The following MOBP variants were observed in gnomAD, a reference collection of about 807,000 sequenced individuals.
MOBP encodes myelin associated oligodendrocyte basic protein.
A neutral mutation model predicts 15.0 loss-of-function variants in MOBP; 5 were observed. The observed-to-expected ratio is 0.33, with a 90% CI of 0.17 to 0.70. The LOEUF is 0.70. Among genes scored for constraint, MOBP ranks in the 30% least tolerant of loss-of-function variants. MOBP has a pLI of 0.67. For missense variants in MOBP, 188 were observed against 257.8 expected (o/e 0.73, Z 1.85); for synonymous variants, 88 against 99.0 (o/e 0.89, Z 0.66).
At chr3:39,505,091 A>G (rs1230437035), downstream of MOBP, among the ~76,000 whole-genome samples, 3 of 152,196 alleles carry the variant, frequency 2.0e-5, no homozygotes, top group Non-Finnish European at 2.9e-5. Context: ...TCTCCCTCTT[A>G]GTTTATTCTG....
intron 1 of MOBP, among the ~76,000 whole-genome samples, chr3:39,471,131 CTTT>C (rs35128158): frequency 2.9e-4 from 37 of 128,918 alleles, no homozygotes; most frequent in Middle Eastern, 3.8e-3. Flanking sequence ...AAAGAAAAGT[CTTT>C]TTTTTTTTTT....
At chr3:39,518,602 C>T (rs1263748837), downstream of MOBP, among the ~76,000 whole-genome samples, 1 of 152,174 alleles carries the variant, frequency 6.6e-6, no homozygotes, top group African/African-American at 2.4e-5. Context: ...CTCTGAAATA[C>T]ACTGAAAATA....
chr3:39,476,228 T>C (rs1168380095), intron 1 of MOBP, among the ~76,000 whole-genome samples: 1 of 152,178 alleles, frequency 6.6e-6, no homozygotes, highest in Non-Finnish European at 1.5e-5. Flanking sequence ...AAACCATTCA[T>C]GAGAAACCAT....
intron 2 of MOBP, among the ~76,000 whole-genome samples, chr3:39,490,176 T>G (rs1431157232): frequency 6.6e-6 from 1 of 152,226 alleles, no homozygotes; most frequent in African/African-American, 2.4e-5. Flanking sequence ...CACTCCTGTT[T>G]CTGGGGTATA....
At chr3:39,509,304 A>G (rs949229907) in intron 4 of MOBP, among the ~76,000 whole-genome samples, 8 of 152,210 alleles carry the variant, frequency 5.3e-5, no homozygotes, top group Admixed American at 2.6e-4. Flanking sequence ...AGAAACAGCT[A>G]AATTATTTTC....
At chr3:39,510,550 TATG>T (rs1271719335) in intron 4 of MOBP, among the ~76,000 whole-genome samples, 1 of 152,200 alleles carries the variant, frequency 6.6e-6, no homozygotes, top group Non-Finnish European at 1.5e-5. Context: ...CCTAAGATTT[TATG>T]CTTTTTGGTG....
chr3:39,476,352 G>T (rs1294975908), intron 1 of MOBP, among the ~76,000 whole-genome samples: 1 of 152,192 alleles, frequency 6.6e-6, no homozygotes, highest in Non-Finnish European at 1.5e-5. Flanking sequence ...TGCTATTGGG[G>T]TGTTACTTCT....
At chr3:39,496,184 CTTTTTCTTT>C (rs1391806517) in intron 2 of MOBP, among the ~76,000 whole-genome samples, 2 of 146,530 alleles carry the variant, frequency 1.4e-5, no homozygotes, top group Non-Finnish European at 3.0e-5. Flanking sequence ...GTATTATTTT[CTTTTTCTTT>C]TTTTTCTTTT....
chr3:39,513,222 CAG>C (rs2125669160), intron 4 of MOBP, among the ~76,000 whole-genome samples: 1 of 152,190 alleles, frequency 6.6e-6, no homozygotes, highest in South Asian at 2.1e-4. Context: ...TATTTTTGGC[CAG>C]AGACTACCAG....
chr3:39,522,904 G>T (rs574458449), intron 3 of MOBP, among the ~76,000 whole-genome samples: 1 of 152,174 alleles, frequency 6.6e-6, no homozygotes, highest in Non-Finnish European at 1.5e-5. Context: ...GCACTTGAAG[G>T]GCTGCAGCCA....
intron 1 of MOBP, among the ~76,000 whole-genome samples, chr3:39,469,216 ATATACATATATACATATG>A (rs2042427319): frequency 1.6e-5 from 2 of 127,146 alleles, no homozygotes; most frequent in Non-Finnish European, 1.6e-5. Flanking sequence ...ATGTGTGTGT[ATATACATATATACATATG>A]TGTGTGTATA....
chr3:39,489,578 C>A (rs77309543), intron 2 of MOBP, among the ~76,000 whole-genome samples: 16,814 of 152,166 alleles, frequency 0.11, 1,184 homozygotes, highest in Middle Eastern at 0.18. Flanking sequence ...TCAGTAGCTC[C>A]TATCTACTGT....
chr3:39,470,946 T>C (rs1257959247), intron 1 of MOBP, among the ~76,000 whole-genome samples: 1 of 152,136 alleles, frequency 6.6e-6, no homozygotes, highest in Non-Finnish European at 1.5e-5. Flanking sequence ...AGGCTCAATC[T>C]TCAATAATTT....
At chr3:39,519,716 A>G (rs952952537), downstream of MOBP, among the ~76,000 whole-genome samples, 1 of 152,110 alleles carries the variant, frequency 6.6e-6, no homozygotes, top group Non-Finnish European at 1.5e-5. Flanking sequence ...CTACAACTGC[A>G]TTATTTTCCT....
intron 1 of MOBP, among the ~76,000 whole-genome samples, chr3:39,472,834 G>A (rs1215306113): frequency 6.6e-6 from 1 of 152,224 alleles, no homozygotes; most frequent in Non-Finnish European, 1.5e-5. Context: ...GCTGAGGCTT[G>A]AGGATCATTT....
chr3:39,506,996 CCTT>C (rs1384293567), downstream of MOBP, among the ~76,000 whole-genome samples: 1 of 152,154 alleles, frequency 6.6e-6, no homozygotes, highest in East Asian at 1.9e-4. Flanking sequence ...CAGGAACTTT[CCTT>C]CTTCATCTTC....
chr3:39,517,446 G>A (rs1337573008), downstream of MOBP, among the ~76,000 whole-genome samples: 1 of 152,094 alleles, frequency 6.6e-6, no homozygotes, highest in Non-Finnish European at 1.5e-5. Flanking sequence ...TGAGATAAGA[G>A]GAAGGTAGAG....
chr3:39,474,027 A>C (rs2042506450), intron 1 of MOBP, among the ~76,000 whole-genome samples: 1 of 152,180 alleles, frequency 6.6e-6, no homozygotes, highest in Non-Finnish European at 1.5e-5. Flanking sequence ...TAGCGCATTG[A>C]GACAATTGAA....
At chr3:39,515,245 G>A (rs1322814208) in exon 5 of MOBP, 2 of 152,348 alleles carry the variant, frequency 1.3e-5, no homozygotes, top group Non-Finnish European at 2.9e-5. Context: ...TCCCTATTCA[G>A]CCCAGAGTTG....
Sources: gnomAD v4.1 joint callset for allele counts (sites outside exome capture counted in the v4.1 genomes callset) on GRCh38, gnomAD v4.1.1 for gene constraint, MANE v1.5 for transcripts, NCBI Gene and HGNC (gene_info 2026-07-23, HGNC 2026-07-21) for gene names.